The following TMEM106C variants were observed in gnomAD, a reference collection of about 807,000 sequenced individuals.
TMEM106C encodes endoplasmic reticulum membrane protein overexpressed in cancer.
In TMEM106C, 27 loss-of-function variants were observed where a neutral mutation model predicts 30.8. The ratio of observed to expected loss-of-function variants is 0.88; its 90% CI spans 0.65 to 1.21. TMEM106C has a LOEUF of 1.21. Among genes scored for constraint, TMEM106C ranks in the 50% most tolerant of loss-of-function variants. TMEM106C has a pLI of 0.00. For missense variants in TMEM106C, 288 were observed against 307.8 expected (o/e 0.94, Z 0.48); for synonymous variants, 123 against 118.8 (o/e 1.04, Z -0.23).
chr12:47,966,660 C>T, intron 5 of TMEM106C, 23 bp from the exon 6 acceptor site: 2 of 1,614,088 alleles, frequency 1.2e-6, no homozygotes, highest in Middle Eastern at 1.6e-4. Flanking sequence ...GGCCACAGAC[C>T]AACTCTGGTA....
chr12:47,967,695 A>G (rs893666835), intron 7 of TMEM106C, among the ~76,000 whole-genome samples: 4 of 152,190 alleles, frequency 2.6e-5, no homozygotes, highest in Non-Finnish European at 4.4e-5. Flanking sequence ...TGCTGCAGAC[A>G]TGAAATATGA....
At chr12:47,967,375 C>G in intron 7 of TMEM106C, 114 bp downstream of exon 7, 2 of 1,010,218 alleles carry the variant, frequency 2.0e-6, no homozygotes, top group Non-Finnish European at 3.1e-6. Flanking sequence ...AGGGGACACC[C>G]TGTGCCTCAC....
At position 47,965,918 on chromosome 12, in the gene TMEM106C, T is replaced by C. The variant is rs763442392; in HGVS notation, c.332T>C (p.Val111Ala). The C allele has an allele frequency of 6.2e-7, 1 of 1,614,130 alleles. No individual in the cohort carries two copies. Among genetic ancestry groups the C allele is most frequent in the African/African-American group, 1.3e-5 (1 of 74,940 alleles). ...GTTTTCTTCCTGTTTCCGCATTCAG[T>C]CCTTGTGGATGATGACGGCATCAAA... ...LVVFFLFPHS[V>A]LVDDDGIKVV... is the part of the protein sequence containing the mutation. Residue 111 changes from valine (V) to alanine (A), a missense_variant, in exon 4 of 8, where the codon GTC (valine) becomes GCC (alanine). Transcript: ENST00000429772.
chr12:47,968,432 G>GA lies in TMEM106C; in HGVS notation c.*203_*204insA. ...ATGTTTCTCAGAACCAGCAGAATCA[G>GA]TGCCTAGCCTGTGCCCAGCAAATAG... On this transcript the variant is annotated 3_prime_UTR_variant, in exon 8 of 8. Transcript: ENST00000429772. 1 of 662,010 alleles carries GA rather than the reference G, an allele frequency of 1.5e-6. No individual in the cohort carries two copies. Among genetic ancestry groups the GA allele is most frequent in the South Asian group, 1.5e-5 (1 of 65,806 alleles). The allele number at this position is 662,010 out of a possible 1,614,324, so 41.0% of individuals were successfully genotyped here.
At chr12:47,964,469 T>G (rs780735173) in intron 2 of TMEM106C, 46 bp downstream of exon 2, 1 of 1,592,920 alleles carries the variant, frequency 6.3e-7, no homozygotes, top group African/African-American at 1.3e-5. Flanking sequence ...CAAGGTACCC[T>G]CGGAGTTCTC....
rs754250465 is a variant in TMEM106C, at chr12:47,968,257, G to A, written c.*28G>A. On this transcript the variant is annotated 3_prime_UTR_variant, in exon 8 of 8. Coordinates refer to ENST00000429772, the MANE Select transcript of TMEM106C (RefSeq NM_001143842.2). ...ACTGCTATTGGTTCTTCCACACAGC[G>A]CCTGTAGAAGAGAGCACAGCATATG... is the stretch of plus-strand genomic sequence containing the variant. The A allele has an allele frequency of 1.4e-5, 22 of 1,536,124 alleles. No homozygotes were observed. The highest frequency in any genetic ancestry group is 2.2e-5 in the South Asian group (2 of 89,540).
At chr12:47,965,393 C>T (rs373850041) in intron 3 of TMEM106C, 48 bp downstream of exon 3, 2 of 1,518,764 alleles carry the variant, frequency 1.3e-6, no homozygotes, top group African/African-American at 1.4e-5. Context: ...TGTCCCTAAT[C>T]TCTTTCTGTA....
chr12:47,966,173 G>A lies in TMEM106C; in HGVS notation c.496G>A (p.Val166Ile), dbSNP rs757125807. ...CCAGATTCAGTACATGAACACAGTG[G>A]TCAGTACATATGTGACTACTAACGT... ...SSQIQYMNTV[V>I]STYVTTNVSL... Residue 166 changes from valine (V) to isoleucine (I), a missense_variant, in exon 5 of 8, where the codon GTC becomes ATC. Val to Ile is a conservative substitution (Grantham distance 29). Transcript: ENST00000429772. The A allele has an allele frequency of 1.2e-5, 19 of 1,614,084 alleles. No homozygotes were observed. The African/African-American group carries it at 2.4e-4, about 20-fold the overall frequency.
intron 6 of TMEM106C, 99 bp downstream of exon 6, chr12:47,966,831 C>A: frequency 1.5e-6 from 2 of 1,337,340 alleles, no homozygotes; most frequent in Non-Finnish European, 2.1e-6. Context: ...TAGATCTCAG[C>A]TTTTGACTTA....
Position 47,964,261 on chromosome 12 carries a change from G to T in TMEM106C, c.25G>T (p.Ala9Ser), listed in dbSNP as rs752502958. ...CATGGGGTCTCAGCATTCCGCTGCT[G>T]CTCGCCCCTCCTCCTGCAGGCGAAA... MGSQHSAA[A>S]RPSSCRRKQE... Residue 9 changes from alanine to serine, a missense_variant, in exon 2 of 8, where the codon GCT (alanine) becomes TCT (serine). Ala to Ser is a moderately conservative substitution (Grantham distance 99). Coordinates refer to ENST00000429772, the MANE Select transcript of TMEM106C (RefSeq NM_001143842.2). 1 of 1,613,580 alleles carries T rather than the reference G, an allele frequency of 6.2e-7. No individual in the cohort carries two copies. The highest frequency in any genetic ancestry group is 8.5e-7 in the Non-Finnish European group (1 of 1,179,774).
chr12:47,968,165 T>A lies in TMEM106C; in HGVS notation c.689T>A (p.Met230Lys). The change falls in exon 8 of 8, where the codon ATG (methionine) becomes AAG (lysine). Residue 230 changes from methionine to lysine, a missense_variant. By Grantham distance (95) the Met-to-Lys change is moderately conservative. Coordinates refer to ENST00000429772, the MANE Select transcript of TMEM106C (RefSeq NM_001143842.2). ...GTGAAGATTTCATACATTGGCCTCATGACCCAGAGCTCCTTGGAGACACAT... is the reference window on the plus strand; with the variant it reads ...GTGAAGATTTCATACATTGGCCTCAAGACCCAGAGCTCCTTGGAGACACAT... ...TSVKISYIGL[M>K]TQSSLETHHY... is the part of the protein sequence containing the mutation. The A allele has an allele frequency of 6.2e-7, 1 of 1,614,110 alleles. No homozygotes were observed. The highest frequency in any genetic ancestry group is 1.1e-5 in the South Asian group (1 of 91,082).
At chr12:47,967,312 CA>C in intron 7 of TMEM106C, 51 bp downstream of exon 7, 1 of 1,599,602 alleles carries the variant, frequency 6.3e-7, no homozygotes, top group Non-Finnish European at 8.6e-7. Flanking sequence ...GTGAGCCTAC[CA>C]CCTTTGCTCA....
At chr12:47,964,107 G>A in intron 1 of TMEM106C, 102 bp from the exon 2 acceptor site, 1 of 947,906 alleles carries the variant, frequency 1.1e-6, no homozygotes, top group Non-Finnish European at 1.6e-6. Flanking sequence ...CACTCAGGGC[G>A]GCAACTTGTC....
Position 47,965,933 on chromosome 12 carries a change from A to C in TMEM106C, c.347A>C (p.Asp116Ala), listed in dbSNP as rs757555318. The change falls in exon 4 of 8, where the codon GAC becomes GCC. Residue 116 changes from aspartate (D) to alanine (A), a missense_variant. Coordinates refer to ENST00000429772, the MANE Select transcript of TMEM106C (RefSeq NM_001143842.2). ...CCGCATTCAGTCCTTGTGGATGATG[A>C]CGGCATCAAAGTGGTGAAAGTCACA... is the stretch of plus-strand genomic sequence containing the variant. ...LFPHSVLVDD[D>A]GIKVVKVTFN... 16 of 1,614,168 alleles carry C rather than the reference A, an allele frequency of 9.9e-6. No individual in the cohort carries two copies. Among genetic ancestry groups the C allele is most frequent in the Non-Finnish European group, 1.3e-5 (15 of 1,180,042 alleles).
chr12:47,968,496 C>A lies in TMEM106C; in HGVS notation c.*267C>A. ...AAGATTTGCAGAATTTAATACAGAT[C>A]TTTTCAGCTGTTCTTAGGGCATTAT... On this transcript the variant is annotated 3_prime_UTR_variant, in exon 8 of 8. Coordinates refer to ENST00000429772, the MANE Select transcript of TMEM106C (RefSeq NM_001143842.2). The A allele has an allele frequency of 4.1e-6, 2 of 488,702 alleles. No individual in the cohort carries two copies. Among genetic ancestry groups the A allele is most frequent in the South Asian group, 3.8e-5 (2 of 53,158 alleles). 30.3% of individuals were successfully genotyped at this position (488,702 alleles called of 1,614,324 possible).
chr12:47,966,529 C>A, intron 5 of TMEM106C, 154 bp from the exon 6 acceptor site: 1 of 833,576 alleles, frequency 1.2e-6, no homozygotes, highest in Non-Finnish European at 1.9e-6. Context: ...TTGGCAGTAT[C>A]AATTAGAGGC....
In TMEM106C at chr12:47,968,220, A is replaced by G; in HGVS notation, c.744A>G (p.Thr248=). 6.2e-7 allele frequency: 1 copy of G among 1,612,984 alleles called. No individual in the cohort carries two copies. The highest frequency in any genetic ancestry group is 8.5e-7 in the Non-Finnish European group (1 of 1,179,066). Residue 248 remains threonine (T), a synonymous_variant, in exon 8 of 8, where the codon ACA becomes ACG. Coordinates refer to ENST00000429772, the MANE Select transcript of TMEM106C (RefSeq NM_001143842.2). The part of the protein sequence containing the change: ...HHYVDCGGNS[T]AI Reference sequence around the variant, plus strand: ...ATGTGGATTGTGGAGGAAATTCCACAGCTATTTAACAACTGCTATTGGTTC... The same window carrying G: ...ATGTGGATTGTGGAGGAAATTCCACGGCTATTTAACAACTGCTATTGGTTC...
At chr12:47,963,854 C>T in intron 1 of TMEM106C, 150 bp downstream of exon 1, 1 of 271,158 alleles carries the variant, frequency 3.7e-6, no homozygotes, top group Admixed American at 5.0e-5. Flanking sequence ...AATTTGGTGC[C>T]TGTTTGTTGC....
chr12:47,967,094 C>T (rs542137635), intron 6 of TMEM106C, 114 bp from the exon 7 acceptor site: 1 of 1,063,668 alleles, frequency 9.4e-7, no homozygotes, highest in East Asian at 2.4e-5. Context: ...CTTGGCAGCA[C>T]TTAGGTCGGA....
Sources: gnomAD v4.1 joint callset for allele counts (sites outside exome capture counted in the v4.1 genomes callset) on GRCh38, gnomAD v4.1.1 for gene constraint, MANE v1.5 for transcripts, NCBI Gene and HGNC (gene_info 2026-07-23, HGNC 2026-07-21) for gene names.